Variants in ITGA1 observed in about 807,000 individuals in gnomAD.
The protein encoded by ITGA1 is integrin subunit alpha 1, also known as integrin alpha-1.
A neutral mutation model predicts 145.9 loss-of-function variants in ITGA1; 85 were observed. The ratio of observed to expected loss-of-function variants is 0.58; its 90% CI spans 0.49 to 0.70. The LOEUF is 0.70. Ranked by LOEUF, ITGA1 falls within the 30% of genes least tolerant of loss-of-function variation. The pLI, the probability that ITGA1 is intolerant of heterozygous loss-of-function variation, is 0.00. For missense variants in ITGA1, 1,351 were observed against 1,418.7 expected (o/e 0.95, Z 0.77); for synonymous variants, 520 against 495.3 (o/e 1.05, Z -0.66).
intron 6 of ITGA1, among the ~76,000 whole-genome samples, chr5:52,874,000 T>A (rs1240519724): frequency 1.3e-5 from 2 of 151,876 alleles, no homozygotes; most frequent in African/African-American, 4.8e-5. Flanking sequence ...ACTCTTTGAC[T>A]AAATATACTT....
At chr5:52,897,374 C>G in intron 9 of ITGA1, 81 bp from the exon 10 acceptor site, 1 of 913,982 alleles carries the variant, frequency 1.1e-6, no homozygotes, top group Non-Finnish European at 1.8e-6. Context: ...ACAAGCTCTA[C>G]CAGGTATCTG....
chr5:52,877,275 A>G (rs1749882352), intron 6 of ITGA1, among the ~76,000 whole-genome samples: 1 of 152,154 alleles, frequency 6.6e-6, no homozygotes, highest in Admixed American at 6.5e-5. Flanking sequence ...GAGAGTGGAA[A>G]TGAAGAGAGG....
At chr5:52,875,126 C>G (rs1749845039) in intron 6 of ITGA1, among the ~76,000 whole-genome samples, 3 of 152,096 alleles carry the variant, frequency 2.0e-5, no homozygotes, top group Admixed American at 6.5e-5. Context: ...CAATTTGTGA[C>G]AGTTTTCATA....
rs781278538 is a variant in ITGA1, at chr5:52,905,777, T to G, written c.1324T>G (p.Ser442Ala). The G allele has an allele frequency of 6.2e-7, 1 of 1,613,370 alleles. No homozygotes were observed. Among genetic ancestry groups the G allele is most frequent in the South Asian group, 1.1e-5 (1 of 90,894 alleles). Residue 442 changes from serine to alanine, a missense_variant, in exon 12 of 29, where the codon TCT (serine) becomes GCT (alanine). Transcript: ENST00000282588. ...LASYLGYTVN[S>A]ATASSGDVLY... ...TCTTTTGTTAGGTTACACTGTAAAC[T>G]CTGCTACTGCTTCTTCTGGAGATGT...
In ITGA1 at chr5:52,910,275, TG is replaced by T; in HGVS notation, c.1715del (p.Gly572GlufsTer7). On this transcript the variant is annotated frameshift_variant, in exon 14 of 29. Transcript: ENST00000282588. LOFTEE classifies it high-confidence loss of function. ...NKNEPCGARF[G>X]TAIAAVKDLN... Reference sequence around the variant, plus strand: ...AAAATGAGCCATGCGGGGCTCGTTTTGGAACTGCAATTGCTGCTGTAAAAGA... The same window carrying T: ...AAAATGAGCCATGCGGGGCTCGTTTTGAACTGCAATTGCTGCTGTAAAAGA... The T allele has an allele frequency of 6.2e-7, 1 of 1,613,988 alleles. No homozygotes were observed. The highest frequency in any genetic ancestry group is 8.5e-7 in the Non-Finnish European group (1 of 1,179,952).
rs893737735 is a variant in ITGA1, at chr5:52,788,341, G to A, written c.-13G>A. ...AACCAGCGCGGCCCCCTGGCGCTGAGGCTGCTCCGGCCATGGCCCCTCGGC... is the reference window on the plus strand; with the variant it reads ...AACCAGCGCGGCCCCCTGGCGCTGAAGCTGCTCCGGCCATGGCCCCTCGGC... On this transcript the variant is annotated 5_prime_UTR_variant, in exon 1 of 29. Transcript: ENST00000282588. 3 of 1,502,254 alleles carry A rather than the reference G, an allele frequency of 2.0e-6. No homozygotes were observed. Among genetic ancestry groups the A allele is most frequent in the African/African-American group, 1.4e-5 (1 of 69,100 alleles). The allele number at this position is 1,502,254 out of a possible 1,614,324, so 93.1% of individuals were successfully genotyped here.
intron 6 of ITGA1, among the ~76,000 whole-genome samples, chr5:52,880,182 G>A (rs1229653424): frequency 6.6e-6 from 1 of 151,978 alleles, no homozygotes; most frequent in East Asian, 1.9e-4. Context: ...CTTGGATAAG[G>A]GATACACATC....
At chr5:52,946,294 G>C (rs986508739) in intron 27 of ITGA1, among the ~76,000 whole-genome samples, 1 of 152,146 alleles carries the variant, frequency 6.6e-6, no homozygotes, top group Non-Finnish European at 1.5e-5. Flanking sequence ...GCCTACTCGG[G>C]AGACTGAGAT....
intron 8 of ITGA1, among the ~76,000 whole-genome samples, chr5:52,892,679 A>G (rs149616252): frequency 1.7e-3 from 262 of 152,310 alleles, no homozygotes; most frequent in African/African-American, 6.1e-3. Context: ...AACTACTGCT[A>G]CATGCAGCAA....
intron 1 of ITGA1, among the ~76,000 whole-genome samples, chr5:52,847,151 A>G (rs1207695944): frequency 6.6e-6 from 1 of 152,206 alleles, no homozygotes; most frequent in Non-Finnish European, 1.5e-5. Flanking sequence ...TTCTTAAAAA[A>G]TAAGAAAGGA....
chr5:52,793,888 T>A (rs1748289292), intron 1 of ITGA1, among the ~76,000 whole-genome samples: 1 of 152,074 alleles, frequency 6.6e-6, no homozygotes, highest in African/African-American at 2.4e-5. Context: ...GATTAATGAC[T>A]CTAGCTTTGG....
chr5:52,792,018 T>G (rs6879147), intron 1 of ITGA1, among the ~76,000 whole-genome samples: 138,432 of 152,206 alleles, frequency 0.91, 63,026 homozygotes, highest in Middle Eastern at 0.93. Context: ...TTGTCTAAAA[T>G]ACTTGGATAA....
chr5:52,942,538 T>G (rs1237362380), intron 26 of ITGA1, among the ~76,000 whole-genome samples: 4 of 150,728 alleles, frequency 2.7e-5, no homozygotes, highest in Non-Finnish European at 4.4e-5. Flanking sequence ...TGGAGTTTTT[T>G]TTTTTTTTTT....
chr5:52,919,522 C>T (rs904444740), intron 16 of ITGA1, among the ~76,000 whole-genome samples: 45 of 151,986 alleles, frequency 3.0e-4, no homozygotes, highest in African/African-American at 1.1e-3. Flanking sequence ...GCTATAAAGG[C>T]CATTGGCTAA....
In ITGA1 at chr5:52,905,806, C is replaced by A; in HGVS notation, c.1353C>A (p.Leu451=). The change falls in exon 12 of 29, where the codon CTC becomes CTA. Residue 451 remains leucine, a synonymous_variant. Transcript: ENST00000282588. ...CTACTGCTTCTTCTGGAGATGTGCTCTATATTGCTGGACAGCCTCGGTACA... is the reference window on the plus strand; with the variant it reads ...CTACTGCTTCTTCTGGAGATGTGCTATATATTGCTGGACAGCCTCGGTACA... The part of the protein sequence containing the change: ...NSATASSGDV[L]YIAGQPRYNH... 1.2e-6 allele frequency: 2 copies of A among 1,613,652 alleles called. No individual in the cohort carries two copies. The highest frequency in any genetic ancestry group is 2.2e-5 in the South Asian group (2 of 91,014).
intron 6 of ITGA1, among the ~76,000 whole-genome samples, 153 bp from the exon 7 acceptor site, chr5:52,881,720 T>C (rs941763308): frequency 2.0e-5 from 3 of 152,240 alleles, no homozygotes; most frequent in Non-Finnish European, 4.4e-5. Context: ...ACAGAATGGC[T>C]ATGCTTATTA....
intron 11 of ITGA1, among the ~76,000 whole-genome samples, chr5:52,900,440 A>T (rs1750296734): frequency 6.6e-6 from 1 of 152,180 alleles, no homozygotes; most frequent in African/African-American, 2.4e-5. Flanking sequence ...AGGGAAAAAA[A>T]TCCAATATTT....
chr5:52,831,136 C>CA (rs1303689228), intron 1 of ITGA1, among the ~76,000 whole-genome samples: 1 of 150,070 alleles, frequency 6.7e-6, no homozygotes, highest in Non-Finnish European at 1.5e-5. Context: ...AGAGGTCACA[C>CA]TTTTTTTTTT....
At chr5:52,949,256 T>C (rs1751182301) in intron 28 of ITGA1, among the ~76,000 whole-genome samples, 1 of 152,188 alleles carries the variant, frequency 6.6e-6, no homozygotes, top group Non-Finnish European at 1.5e-5. Context: ...GCATTCCCAC[T>C]TAATACTCAT....
Sources: allele counts gnomAD v4.1 joint callset (sites outside exome capture counted in the v4.1 genomes callset), GRCh38; gene constraint gnomAD v4.1.1; transcripts MANE v1.5; gene names NCBI Gene and HGNC (gene_info 2026-07-23, HGNC 2026-07-21).